The following GSTM4 variants were observed in gnomAD, a reference collection of about 807,000 sequenced individuals.
GSTM4 encodes the protein glutathione S-transferase mu 4, also known as GST class-mu 4.
Under a neutral mutation model 30.1 loss-of-function variants are expected in GSTM4, and 27 were observed. The observed-to-expected ratio is 0.90, with a 90% confidence interval of 0.66 to 1.24. GSTM4 has a LOEUF of 1.24. Among genes scored for constraint, GSTM4 ranks in the 50% most tolerant of loss-of-function variants. GSTM4 has a pLI of 0.00. For missense variants in GSTM4, 238 were observed against 272.1 expected (o/e 0.87, Z 0.88); for synonymous variants, 94 against 96.2 (o/e 0.98, Z 0.13).
chr1:109,658,016 TATAAA>T (rs1253833610), intron 5 of GSTM4, 144 bp downstream of exon 5: 2 of 680,412 alleles, frequency 2.9e-6, no homozygotes, highest in Admixed American at 2.9e-5. Context: ...TCATTAAACT[TATAAA>T]ATAAAAACTT....
intron 1 of GSTM4, 125 bp from the exon 2 acceptor site, chr1:109,656,587 T>TGTGTGTGTGTGA: frequency 1.7e-6 from 1 of 601,884 alleles, no homozygotes; most frequent in Non-Finnish European, 2.9e-6. Flanking sequence ...TGTGTGTGTG[T>TGTGTGTGTGTGA]GTGCGTGCGC....
intron 3 of GSTM4, 84 bp downstream of exon 3, chr1:109,657,363 G>A (rs1250175374): frequency 2.2e-5 from 35 of 1,566,702 alleles, no homozygotes; most frequent in Admixed American, 1.0e-4. Flanking sequence ...AGAGGTGTTC[G>A]GATCAGGAGT....
downstream of GSTM4, among the ~76,000 whole-genome samples, chr1:109,662,940 C>T (rs923767215): frequency 2.0e-5 from 3 of 152,116 alleles, no homozygotes; most frequent in Non-Finnish European, 2.9e-5. Flanking sequence ...TTTAAATAGC[C>T]AATAACTGAA....
rs1652156320 is a variant in GSTM4 at position 109,658,805 on chromosome 1, C to A, written c.361-9C>A. On this transcript the variant is annotated splice_polypyrimidine_tract_variant and intron_variant, in intron 5 of 7. Coordinates refer to ENST00000369836, the MANE Select transcript of GSTM4 (RefSeq NM_000850.5). ...GTCTGAGGGTGGTGACAGCTGTTTT[C>A]TGCCTCAGGAGAAACTGAAGCCAGA... 3 of 1,604,772 alleles carry A rather than the reference C, an allele frequency of 1.9e-6. No individual in the cohort carries two copies. In the Admixed American group the frequency reaches 5.0e-5, roughly 27 times the overall value.
chr1:109,661,732 C>G (rs1432876463), downstream of GSTM4: 1 of 1,040,664 alleles, frequency 9.6e-7, no homozygotes, highest in Admixed American at 4.9e-5. Flanking sequence ...TTGCTCCTGG[C>G]TGCCCAGACT....
At chr1:109,659,274 G>A in intron 7 of GSTM4, 164 bp downstream of exon 7, 1 of 1,595,690 alleles carries the variant, frequency 6.3e-7, no homozygotes, top group Non-Finnish European at 8.6e-7. Flanking sequence ...TGTGGAATTT[G>A]AAATTTCCAA....
downstream of GSTM4, among the ~76,000 whole-genome samples, chr1:109,664,835 AT>A (rs905887554): frequency 6.6e-6 from 1 of 152,136 alleles, no homozygotes; most frequent in Non-Finnish European, 1.5e-5. Context: ...GTTTCTGCCA[AT>A]GAATCACAGT....
downstream of GSTM4, among the ~76,000 whole-genome samples, chr1:109,667,702 C>T (rs1292072765): frequency 6.6e-6 from 1 of 152,184 alleles, no homozygotes; most frequent in Non-Finnish European, 1.5e-5. Context: ...TCCAGTGAAT[C>T]CCTGAGCACC....
At chr1:109,659,630 C>T (rs761012115) in intron 7 of GSTM4, 44 of 360,452 alleles carry the variant, frequency 1.2e-4, no homozygotes, top group East Asian at 4.4e-4. Context: ...AAGCTTTGCA[C>T]GATCAGACCC....
chr1:109,665,951 T>C (rs1179930862), downstream of GSTM4, among the ~76,000 whole-genome samples: 1 of 152,164 alleles, frequency 6.6e-6, no homozygotes, highest in Admixed American at 6.5e-5. Flanking sequence ...CAGGTGCTTA[T>C]TATATATTCG....
chr1:109,657,655 C>T lies in GSTM4; in HGVS notation c.243C>T (p.Ala81=), dbSNP rs933754721. The T allele has an allele frequency of 1.9e-6, 3 of 1,614,124 alleles. No homozygotes were observed. The highest frequency in any genetic ancestry group is 2.5e-6 in the Non-Finnish European group (3 of 1,180,056). The change falls in exon 4 of 8, where the codon GCC becomes GCT. Residue 81 remains alanine, a synonymous_variant. Coordinates refer to ENST00000369836, the MANE Select transcript of GSTM4 (RefSeq NM_000850.5). ...TQSNAILCYI[A]RKHNLCGETE... ...GCAACGCCATCCTGTGCTACATTGC[C>T]CGCAAGCACAACCTGTGTGAGTGTG...
At chr1:109,665,240 C>G, downstream of GSTM4, 2 of 617,448 alleles carry the variant, frequency 3.2e-6, no homozygotes, top group East Asian at 5.6e-5. Context: ...ACCTCTCTGA[C>G]TGGGACATCC....
At chr1:109,661,108 T>C in intron 7 of GSTM4, 57 bp from the exon 8 acceptor site, 2 of 1,601,254 alleles carry the variant, frequency 1.2e-6, no homozygotes, top group Non-Finnish European at 1.7e-6. Flanking sequence ...AGTGGGGTTG[T>C]CCCAGCCCTC....
Position 109,661,006 on chromosome 1 carries a change from C to A in GSTM4, c.568-159C>A, listed in dbSNP as rs1004291066. On this transcript the variant is annotated intron_variant, in intron 7 of 7. Coordinates refer to ENST00000369836, the MANE Select transcript of GSTM4 (RefSeq NM_000850.5). ...AAGGAAGTTGGAAGAGTTAACTCCG[C>A]AAATCTGGGGACCCTAAGAGGCTGT... 2.5e-5 allele frequency: 22 copies of A among 864,410 alleles called. No homozygotes were observed. The Admixed American group carries it at 4.3e-4, about 17-fold the overall frequency. 53.5% of individuals were successfully genotyped at this position (864,410 alleles called of 1,614,324 possible).
chr1:109,662,396 G>C (rs521999), downstream of GSTM4, among the ~76,000 whole-genome samples: 18,581 of 152,120 alleles, frequency 0.12, 1,229 homozygotes, highest in Non-Finnish European at 0.14. Flanking sequence ...TCTCTAGGAC[G>C]CAAGCTCTAC....
chr1:109,656,612 G>GT, intron 1 of GSTM4, 100 bp from the exon 2 acceptor site: 2 of 731,628 alleles, frequency 2.7e-6, no homozygotes, highest in East Asian at 3.0e-5. Flanking sequence ...GTGGGGGGGG[G>GT]GTGCAGTGCA....
In GSTM4 at chr1:109,656,926, G is replaced by A. The variant is rs769187891; in HGVS notation, c.112+139G>A. 2.9e-5 allele frequency: 27 copies of A among 935,922 alleles called. No individual in the cohort carries two copies. In the East Asian group the frequency reaches 4.9e-4, roughly 17 times the overall value. 58.0% of individuals were successfully genotyped at this position (935,922 alleles called of 1,614,324 possible). ...TGTCCCTTCCCTGAGCCCCGGTGAGGGAGTCCTGTGGCCTTGCAAGGCAGA... is the reference window on the plus strand; with the variant it reads ...TGTCCCTTCCCTGAGCCCCGGTGAGAGAGTCCTGTGGCCTTGCAAGGCAGA... On this transcript the variant is annotated intron_variant, in intron 2 of 7. Transcript: ENST00000369836.
intron 1 of GSTM4, 101 bp from the exon 2 acceptor site, chr1:109,656,611 G>A: frequency 6.8e-6 from 5 of 739,172 alleles, no homozygotes; most frequent in Admixed American, 1.9e-5. Context: ...GGTGGGGGGG[G>A]GGTGCAGTGC....
intron 5 of GSTM4, 97 bp from the exon 6 acceptor site, chr1:109,658,717 T>G: frequency 8.4e-6 from 7 of 836,750 alleles, no homozygotes; most frequent in Non-Finnish European, 1.2e-5. Context: ...GATGGCTGCT[T>G]GCTCGTGGCC....
Sources: allele counts gnomAD v4.1 joint callset (sites outside exome capture counted in the v4.1 genomes callset), GRCh38; gene constraint gnomAD v4.1.1; transcripts MANE v1.5; gene names NCBI Gene and HGNC (gene_info 2026-07-23, HGNC 2026-07-21).